SERPINB11: variants seen among roughly 807,000 people sequenced by gnomAD.
SERPINB11 encodes serpin B11.
A neutral mutation model predicts 36.7 loss-of-function variants in SERPINB11; 32 were observed. The observed-to-expected ratio is 0.87, with a 90% CI of 0.66 to 1.17. SERPINB11 has a LOEUF of 1.17. Ranked by LOEUF, SERPINB11 falls within the 50% of genes most tolerant of loss-of-function variation. SERPINB11 has a pLI of 0.00. For synonymous variants in SERPINB11, 174 were observed against 168.1 expected (o/e 1.04, Z -0.27); for missense variants, 528 against 458.4 (o/e 1.15, Z -1.39).
At chr18:63,711,261 T>C in intron 2 of SERPINB11, 74 bp from the exon 3 acceptor site, 2 of 988,066 alleles carry the variant, frequency 2.0e-6, no homozygotes, top group Non-Finnish European at 3.2e-6. Context: ...GAAAAATAGA[T>C]ACTTACAACT....
At chr18:63,720,627 T>C (rs2144550288) in intron 6 of SERPINB11, 1 of 506,276 alleles carries the variant, frequency 2.0e-6, no homozygotes, top group Admixed American at 3.7e-5. Context: ...ATTAGAACAA[T>C]TCAGTCTCTA....
At position 63,723,650 on chromosome 18, in the gene SERPINB11, G is replaced by A; in HGVS notation, c.*251G>A. 2.4e-6 allele frequency: 1 copy of A among 409,894 alleles called. No individual in the cohort carries two copies. Among genetic ancestry groups the A allele is most frequent in the South Asian group, 7.3e-5 (1 of 13,696 alleles). The allele number at this position is 409,894 out of a possible 1,614,324, so 25.4% of individuals were successfully genotyped here. On this transcript the variant is annotated 3_prime_UTR_variant, in exon 8 of 8. Coordinates refer to ENST00000544088, the MANE Select transcript of SERPINB11 (RefSeq NM_001370475.1). ...CTTATCTGTGGTGTCTCATTTGAGT[G>A]CTGTCCAGTGACATGATCAAGTCAA...
intron 4 of SERPINB11, among the ~76,000 whole-genome samples, chr18:63,714,251 G>C (rs563136204): frequency 6.6e-6 from 1 of 152,118 alleles, no homozygotes; most frequent in African/African-American, 2.4e-5. Context: ...GGGAGTGTAC[G>C]AATAGGGTGT....
chr18:63,710,353 T>A lies in SERPINB11; in HGVS notation c.160T>A (p.Leu54Met). 1.9e-6 allele frequency: 3 copies of A among 1,610,730 alleles called. No homozygotes were observed. Among genetic ancestry groups the A allele is most frequent in the East Asian group, 2.2e-5 (1 of 44,754 alleles). ...TGCCAGGGGAGAGACTGAAGAGCAATTGGAGAAGGTATGGAATTCCTCAGA... is the reference window on the plus strand; with the variant it reads ...TGCCAGGGGAGAGACTGAAGAGCAAATGGAGAAGGTATGGAATTCCTCAGA... ...LGARGETEEQ[L>M]EKVLHFSHTV... Residue 54 changes from leucine to methionine, a missense_variant, in exon 2 of 8, where the codon TTG (leucine) becomes ATG (methionine). Transcript: ENST00000544088.
At chr18:63,708,000 T>C (rs560661588) in intron 1 of SERPINB11, among the ~76,000 whole-genome samples, 12 of 152,270 alleles carry the variant, frequency 7.9e-5, no homozygotes, top group Admixed American at 6.5e-4. Flanking sequence ...ACAGAGATGA[T>C]TAAACTGCTG....
intron 6 of SERPINB11, 35 bp downstream of exon 6, chr18:63,720,190 T>C (rs1321033219): frequency 9.7e-6 from 15 of 1,551,006 alleles, no homozygotes; most frequent in Non-Finnish European, 1.3e-5. Context: ...TGACAAATGT[T>C]GGAGGATACA....
At chr18:63,703,669 T>C (rs564587978) in intron 1 of SERPINB11, among the ~76,000 whole-genome samples, 1 of 152,280 alleles carries the variant, frequency 6.6e-6, no homozygotes, top group Non-Finnish European at 1.5e-5. Context: ...AGAAGAGTCT[T>C]GTGAAAGGGG....
chr18:63,708,184 G>C (rs562808192), intron 1 of SERPINB11, among the ~76,000 whole-genome samples: 1 of 152,212 alleles, frequency 6.6e-6, no homozygotes. Context: ...AGGTGGCCAG[G>C]GCCAGATCAC....
At chr18:63,721,203 A>T (rs1252357112) in intron 7 of SERPINB11, among the ~76,000 whole-genome samples, 1 of 152,222 alleles carries the variant, frequency 6.6e-6, no homozygotes, top group Non-Finnish European at 1.5e-5. Flanking sequence ...TTCTTACATG[A>T]GAAAGGCACA....
chr18:63,720,206 C>T, intron 6 of SERPINB11, 51 bp downstream of exon 6: 3 of 1,456,220 alleles, frequency 2.1e-6, no homozygotes, highest in Non-Finnish European at 2.8e-6. Context: ...ATACAATAAT[C>T]ATTTAAGGAC....
intron 1 of SERPINB11, among the ~76,000 whole-genome samples, chr18:63,706,053 A>AT (rs1223765740): frequency 2.6e-5 from 4 of 152,176 alleles, no homozygotes; most frequent in African/African-American, 9.7e-5. Context: ...CTTCTGTTAT[A>AT]TTTTTTAAAA....
chr18:63,711,706 G>A (rs1914531263), intron 3 of SERPINB11, among the ~76,000 whole-genome samples: 1 of 152,074 alleles, frequency 6.6e-6, no homozygotes, highest in Non-Finnish European at 1.5e-5. Context: ...AGACTTTTCT[G>A]TCTAGAGTGG....
At position 63,723,373 on chromosome 18, in the gene SERPINB11, T is replaced by C. The variant is rs755107894; in HGVS notation, c.1153T>C (p.Phe385Leu). Residue 385 changes from phenylalanine to leucine, a missense_variant, in exon 8 of 8, where the codon TTC becomes CTC. Physicochemically the swap from Phe to Leu is conservative, Grantham distance 22. Coordinates refer to ENST00000544088, the MANE Select transcript of SERPINB11 (RefSeq NM_001370475.1). Reference protein sequence around the residue: ...IRHTHTNTILFCGKLASP With the variant: ...IRHTHTNTILLCGKLASP Reference sequence around the variant, plus strand: ...GCACACTCATACCAACACGATCCTATTCTGTGGCAAGCTTGCCTCTCCCTA... The same window carrying C: ...GCACACTCATACCAACACGATCCTACTCTGTGGCAAGCTTGCCTCTCCCTA... The C allele has an allele frequency of 6.2e-7, 1 of 1,608,790 alleles. No individual in the cohort carries two copies. Among genetic ancestry groups the C allele is most frequent in the South Asian group, 1.1e-5 (1 of 90,678 alleles).
chr18:63,710,328 T>A lies in SERPINB11; in HGVS notation c.135T>A (p.Gly45=). The A allele has an allele frequency of 6.2e-7, 1 of 1,613,460 alleles. No homozygotes were observed. Residue 45 remains glycine, a synonymous_variant, in exon 2 of 8, where the codon GGT becomes GGA. Transcript: ENST00000544088. ...ATGCTCTAAGCATGGTCCTCCTTGG[T>A]GCCAGGGGAGAGACTGAAGAGCAAT... The part of the protein sequence containing the change: ...LLYALSMVLL[G]ARGETEEQLE...
At chr18:63,710,579 T>C (rs1914497564) in intron 2 of SERPINB11, among the ~76,000 whole-genome samples, 1 of 152,220 alleles carries the variant, frequency 6.6e-6, no homozygotes, top group Non-Finnish European at 1.5e-5. Context: ...GTGGTCTCTT[T>C]TTTACTATCA....
At chr18:63,718,378 G>C (rs1007765617) in intron 5 of SERPINB11, among the ~76,000 whole-genome samples, 2 of 152,080 alleles carry the variant, frequency 1.3e-5, no homozygotes, top group Non-Finnish European at 2.9e-5. Flanking sequence ...GATTTGGAGA[G>C]AAAATACATC....
chr18:63,711,366 T>C lies in SERPINB11; in HGVS notation c.200T>C (p.Leu67Ser), dbSNP rs1292923120. The C allele has an allele frequency of 6.2e-7, 1 of 1,611,304 alleles. No homozygotes were observed. The highest frequency in any genetic ancestry group is 1.1e-5 in the South Asian group (1 of 90,966). Reference protein sequence around the residue: ...VLHFSHTVDSLKPGFKDSPKC... With the variant: ...VLHFSHTVDSSKPGFKDSPKC... ...CATTTTAGTCATACTGTAGACTCAT[T>C]AAAACCAGGGTTCAAGGACTCACCT... Residue 67 changes from leucine (L) to serine (S), a missense_variant, in exon 3 of 8, where the codon TTA becomes TCA. Physicochemically the swap from Leu to Ser is moderately radical, Grantham distance 145. Transcript: ENST00000544088.
At chr18:63,711,532 T>A (rs1598961855) in intron 3 of SERPINB11, 138 bp downstream of exon 3, 1 of 654,518 alleles carries the variant, frequency 1.5e-6, no homozygotes, top group East Asian at 2.6e-5. Flanking sequence ...ACCTTCCTGA[T>A]GATAACTACA....
intron 5 of SERPINB11, among the ~76,000 whole-genome samples, chr18:63,717,150 G>A (rs1280818858): frequency 6.6e-6 from 1 of 152,132 alleles, no homozygotes; most frequent in South Asian, 2.1e-4. Context: ...CATAAGTTAT[G>A]TGGGTTTTTT....
Sources: gnomAD v4.1 joint callset for allele counts (sites outside exome capture counted in the v4.1 genomes callset) on GRCh38, gnomAD v4.1.1 for gene constraint, MANE v1.5 for transcripts, NCBI Gene and HGNC (gene_info 2026-07-23, HGNC 2026-07-21) for gene names.